Variants in NOVA1 observed in about 807,000 individuals in gnomAD.
NOVA1 encodes RNA-binding protein Nova-1.
In NOVA1, 7 loss-of-function variants were observed where a neutral mutation model predicts 38.0. The ratio of observed to expected loss-of-function variants is 0.18; its 90% CI spans 0.10 to 0.35. The LOEUF is 0.35. Ranked by LOEUF, NOVA1 falls within the 10% of genes least tolerant of loss-of-function variation. The probability of loss-of-function intolerance (pLI) is 1.00; values close to 1 mark genes in which losing one functional copy is unlikely to be tolerated. For missense variants in NOVA1, 460 were observed against 616.0 expected (o/e 0.75, Z 2.68); for synonymous variants, 270 against 232.5 (o/e 1.16, Z -1.47).
At chr14:26,595,015 G>C (rs928607116) in intron 2 of NOVA1, among the ~76,000 whole-genome samples, 2 of 152,066 alleles carry the variant, frequency 1.3e-5, no homozygotes, top group African/African-American at 4.8e-5. Flanking sequence ...CATTCTTTAA[G>C]AAGCCTCCCT....
intron 2 of NOVA1, among the ~76,000 whole-genome samples, chr14:26,552,901 A>G (rs1891247089): frequency 6.6e-6 from 1 of 152,196 alleles, no homozygotes; most frequent in African/African-American, 2.4e-5. Flanking sequence ...GGCAGATGGT[A>G]GAATGATAGC....
chr14:26,486,848 AATAG>A (rs1885956360), intron 2 of NOVA1, among the ~76,000 whole-genome samples: 1 of 151,916 alleles, frequency 6.6e-6, no homozygotes, highest in South Asian at 2.1e-4. Context: ...GGTCAGTGTA[AATAG>A]ATAAAATATT....
In NOVA1 at chr14:26,565,581, G is replaced by A. The variant is rs183903267; in HGVS notation, c.280+29829C>T. Among the ~76,000 whole-genome samples the A allele has an allele frequency of 9.2e-5, 14 of 152,182 alleles. No homozygotes were observed. The East Asian group carries it at 2.7e-3, about 29-fold the overall frequency. On this transcript the variant is annotated intron_variant, in intron 2 of 4. Transcript: ENST00000539517. The stretch of plus-strand genomic sequence containing the variant: ...CGGTGTGATATGACAGCCAAAAAGT[G>A]GCAACAAACTTGATAGACAAGAAAA...
intron 2 of NOVA1, among the ~76,000 whole-genome samples, chr14:26,535,645 A>C (rs1008848737): frequency 1.3e-5 from 2 of 152,190 alleles, no homozygotes; most frequent in Non-Finnish European, 2.9e-5. Context: ...CAGCAGAAAC[A>C]GATGACTGGA....
chr14:26,469,091 T>G (rs1884386065), intron 4 of NOVA1, among the ~76,000 whole-genome samples: 1 of 152,194 alleles, frequency 6.6e-6, no homozygotes, highest in African/African-American at 2.4e-5. Flanking sequence ...TTTGATCTAT[T>G]TGCTATATCT....
chr14:26,590,036 C>T (rs891183597), intron 2 of NOVA1, among the ~76,000 whole-genome samples: 2 of 151,892 alleles, frequency 1.3e-5, no homozygotes, highest in Non-Finnish European at 2.9e-5. Flanking sequence ...GAGATACACA[C>T]TGTTGCAGTT....
chr14:26,531,603 G>A (rs921639894), intron 2 of NOVA1, among the ~76,000 whole-genome samples: 1 of 108,048 alleles, frequency 9.3e-6, no homozygotes, highest in Non-Finnish European at 2.3e-5. Context: ...GCGAAACTCC[G>A]TCTCAAAACA....
chr14:26,526,190 TA>T (rs1011435803), intron 2 of NOVA1, among the ~76,000 whole-genome samples: 1 of 152,132 alleles, frequency 6.6e-6, no homozygotes, highest in African/African-American at 2.4e-5. Context: ...CCAGATATAT[TA>T]AGTAAACATA....
chr14:26,597,567 G>A lies in NOVA1; in HGVS notation c.-131C>T, dbSNP rs1894288864. ...TCTTAAGGTTTTTTTTTTTTAATCGGATCAATATAAATCTCTTTAGGAAAA... is the reference window on the plus strand; with the variant it reads ...TCTTAAGGTTTTTTTTTTTTAATCGAATCAATATAAATCTCTTTAGGAAAA... On this transcript the variant is annotated 5_prime_UTR_variant, in exon 1 of 5. Transcript: ENST00000539517. 8.4e-7 allele frequency: 1 copy of A among 1,191,982 alleles called. No individual in the cohort carries two copies. Among genetic ancestry groups the A allele is most frequent in the Non-Finnish European group, 1.0e-6 (1 of 970,064 alleles). 73.8% of individuals were successfully genotyped at this position (1,191,982 alleles called of 1,614,324 possible).
At chr14:26,583,737 T>G (rs1893354078) in intron 2 of NOVA1, among the ~76,000 whole-genome samples, 1 of 151,432 alleles carries the variant, frequency 6.6e-6, no homozygotes, top group Admixed American at 6.6e-5. Flanking sequence ...AAATCCCGCT[T>G]TATCTCAATA....
chr14:26,452,967 T>C (rs887737233), intron 4 of NOVA1, among the ~76,000 whole-genome samples: 2 of 152,120 alleles, frequency 1.3e-5, no homozygotes, highest in Admixed American at 1.3e-4. Context: ...TATAAGGTTA[T>C]AAAGGAGACA....
chr14:26,586,061 T>C (rs983935502), intron 2 of NOVA1, among the ~76,000 whole-genome samples: 3 of 151,356 alleles, frequency 2.0e-5, no homozygotes, highest in African/African-American at 7.3e-5. Context: ...ACAATTGCGC[T>C]GTATGTTAAA....
intron 2 of NOVA1, chr14:26,592,605 T>C (rs1893924863): frequency 2.0e-5 from 3 of 151,556 alleles, no homozygotes; most frequent in Admixed American, 2.0e-4. Context: ...ATACACGACA[T>C]TGAAAAATGC....
intron 2 of NOVA1, among the ~76,000 whole-genome samples, chr14:26,520,743 A>AG (rs1233834642): frequency 2.0e-5 from 3 of 152,180 alleles, no homozygotes; most frequent in Non-Finnish European, 2.9e-5. Context: ...TATGGAATCC[A>AG]AGAATAATGA....
At chr14:26,451,189 TCA>T (rs1882640949) in intron 4 of NOVA1, among the ~76,000 whole-genome samples, 2 of 152,128 alleles carry the variant, frequency 1.3e-5, no homozygotes, top group African/African-American at 4.8e-5. Context: ...CACATCAGTC[TCA>T]CATTATATAT....
chr14:26,497,790 C>T lies in NOVA1; in HGVS notation c.281-17647G>A, dbSNP rs145052492. On this transcript the variant is annotated intron_variant, in intron 2 of 4. Transcript: ENST00000539517. ...ATCAAACTTCCTAATTAAACTTAGT[C>T]ACCGTAATAAAAAAATATTAAATCT... Among the ~76,000 whole-genome samples, 10 of 152,238 alleles carry T rather than the reference C, an allele frequency of 6.6e-5. No individual in the cohort carries two copies. In the East Asian group the frequency reaches 1.9e-3, roughly 29 times the overall value.
chr14:26,490,496 C>T (rs1446271703), intron 2 of NOVA1, among the ~76,000 whole-genome samples: 1 of 152,162 alleles, frequency 6.6e-6, no homozygotes, highest in Non-Finnish European at 1.5e-5. Flanking sequence ...TAAGTCTTAG[C>T]CAACATTTAT....
At chr14:26,575,275 C>A (rs1373305642) in intron 2 of NOVA1, among the ~76,000 whole-genome samples, 3 of 152,118 alleles carry the variant, frequency 2.0e-5, no homozygotes, top group East Asian at 3.9e-4. Flanking sequence ...CTTCATAATA[C>A]AATGTGGTGA....
At chr14:26,582,750 T>C (rs541370525) in intron 2 of NOVA1, among the ~76,000 whole-genome samples, 5 of 151,910 alleles carry the variant, frequency 3.3e-5, no homozygotes, top group African/African-American at 1.2e-4. Context: ...ATAATTTCAA[T>C]AGTAAAAAGA....
Sources: gnomAD v4.1 joint callset for allele counts (sites outside exome capture counted in the v4.1 genomes callset) on GRCh38, gnomAD v4.1.1 for gene constraint, MANE v1.5 for transcripts, NCBI Gene and HGNC (gene_info 2026-07-23, HGNC 2026-07-21) for gene names.